GLCE: variants seen among roughly 807,000 people sequenced by gnomAD.
The protein encoded by GLCE is glucuronic acid epimerase.
GLCE carries 19 observed loss-of-function variants against 47.9 expected under a neutral mutation model. The ratio of observed to expected loss-of-function variants is 0.40; its 90% CI spans 0.28 to 0.58. The LOEUF (loss-of-function observed/expected upper bound fraction) is 0.58, where lower values mean the gene tolerates loss of function less well. Among genes scored for constraint, GLCE ranks in the 20% least tolerant of loss-of-function variants. GLCE has a pLI of 0.48. For missense variants in GLCE, 556 were observed against 743.3 expected, an observed-to-expected ratio of 0.75 and a Z score of 2.93; for synonymous variants, 245 against 263.4, an observed-to-expected ratio of 0.93 and a Z score of 0.68.
At chr15:69,176,009 C>G in intron 1 of GLCE, among the ~76,000 whole-genome samples, 1 of 152,070 alleles carries the variant, frequency 6.6e-6, no homozygotes, top group East Asian at 1.9e-4. Context: ...TGTACTTTGT[C>G]ATGTAACACT....
rs753232130 is a variant in GLCE, at chr15:69,268,323, G to A, written c.933G>A (p.Glu311=). The change falls in exon 5 of 5, where the codon GAG becomes GAA. Residue 311 remains glutamate (E), a synonymous_variant. Transcript: ENST00000261858. ...ATGGAAGTGTGTCCGTGGTTCTAGA[G>A]ACCACAGAAAAGAATCAGCTCTTCA... is the stretch of plus-strand genomic sequence containing the variant. ...LTNGSVSVVL[E]TTEKNQLFTI... 5.6e-6 allele frequency: 9 copies of A among 1,611,976 alleles called. No homozygotes were observed. The highest frequency in any genetic ancestry group is 7.6e-6 in the Non-Finnish European group (9 of 1,178,062).
rs1421210114 is a variant in GLCE at position 69,261,144 on chromosome 15, C to T, written c.644C>T (p.Ala215Val). ...GGCTATTTCTATCCAATCCAGATTGCACAGTATGGATTAAGTCATTACAGC... is the reference window on the plus strand; with the variant it reads ...GGCTATTTCTATCCAATCCAGATTGTACAGTATGGATTAAGTCATTACAGC... ...PQGYFYPIQI[A>V]QYGLSHYSKN... Residue 215 changes from alanine to valine, a missense_variant, in exon 4 of 5, where the codon GCA becomes GTA. Transcript: ENST00000261858. 6.2e-7 allele frequency: 1 copy of T among 1,610,366 alleles called. No homozygotes were observed. Among genetic ancestry groups the T allele is most frequent in the East Asian group, 2.2e-5 (1 of 44,864 alleles).
chr15:69,237,440 CA>C (rs567998310), intron 2 of GLCE, among the ~76,000 whole-genome samples: 1 of 151,646 alleles, frequency 6.6e-6, no homozygotes, highest in African/African-American at 2.4e-5. Context: ...ACTAAAAGTA[CA>C]AAAAAAATCA....
At chr15:69,220,292 C>T (rs1432922763) in intron 2 of GLCE, among the ~76,000 whole-genome samples, 1 of 152,082 alleles carries the variant, frequency 6.6e-6, no homozygotes, top group African/African-American at 2.4e-5. Flanking sequence ...GAGAAACAGT[C>T]ATACTGTTTT....
chr15:69,174,192 G>A (rs539837204), intron 1 of GLCE, among the ~76,000 whole-genome samples: 13 of 152,258 alleles, frequency 8.5e-5, no homozygotes, highest in South Asian at 4.2e-4. Flanking sequence ...TCACAATTCC[G>A]AAGGAAACAA....
rs2051616301 is a variant in GLCE at position 69,173,460 on chromosome 15, G to A, written c.-105+12703G>A. On this transcript the variant is annotated intron_variant, in intron 1 of 4. Transcript: ENST00000261858. ...GGAAGAAGGATTAAGCATATCTTTTGCATTGCAGTCTGGAGGATGGAACTA... is the reference window on the plus strand; with the variant it reads ...GGAAGAAGGATTAAGCATATCTTTTACATTGCAGTCTGGAGGATGGAACTA... 2.6e-5 allele frequency among the ~76,000 whole-genome samples: 4 copies of A among 152,234 alleles called. No individual in the cohort carries two copies. The South Asian group carries it at 8.3e-4, about 32-fold the overall frequency.
At chr15:69,230,867 A>G (rs916054143) in intron 2 of GLCE, among the ~76,000 whole-genome samples, 1 of 152,196 alleles carries the variant, frequency 6.6e-6, no homozygotes, top group Non-Finnish European at 1.5e-5. Flanking sequence ...TCAAGGGGCC[A>G]GTAGGATTAT....
chr15:69,180,591 G>A (rs1296589232), intron 1 of GLCE, among the ~76,000 whole-genome samples: 1 of 152,150 alleles, frequency 6.6e-6, no homozygotes, highest in Non-Finnish European at 1.5e-5. Context: ...ATCATTCTAG[G>A]CCCAGGGAAT....
intron 1 of GLCE, among the ~76,000 whole-genome samples, chr15:69,172,627 G>GA (rs1439618478): frequency 5.3e-5 from 8 of 152,234 alleles, no homozygotes; most frequent in African/African-American, 1.7e-4. Context: ...AGACTAGATA[G>GA]AAAATGTGGT....
intron 2 of GLCE, among the ~76,000 whole-genome samples, chr15:69,251,983 C>A (rs917366137): frequency 3.3e-5 from 5 of 152,078 alleles, no homozygotes; most frequent in African/African-American, 1.2e-4. Context: ...TTTTTTGACA[C>A]CCTTGATTTT....
chr15:69,258,624 A>G (rs1194622405), intron 3 of GLCE, among the ~76,000 whole-genome samples: 3 of 152,070 alleles, frequency 2.0e-5, no homozygotes, highest in Non-Finnish European at 4.4e-5. Flanking sequence ...GTATGTATTT[A>G]TGGGGTGTAT....
At chr15:69,202,842 T>G (rs2052094774) in intron 1 of GLCE, among the ~76,000 whole-genome samples, 1 of 152,152 alleles carries the variant, frequency 6.6e-6, no homozygotes, top group African/African-American at 2.4e-5. Context: ...CTTGATTCTT[T>G]GATGATTTAA....
At chr15:69,211,864 T>C (rs1284738203) in intron 2 of GLCE, among the ~76,000 whole-genome samples, 1 of 152,026 alleles carries the variant, frequency 6.6e-6, no homozygotes, top group African/African-American at 2.4e-5. Context: ...TGAAATATAT[T>C]TGGTTTCCTA....
At chr15:69,196,026 G>A (rs2051984667) in intron 1 of GLCE, among the ~76,000 whole-genome samples, 1 of 152,108 alleles carries the variant, frequency 6.6e-6, no homozygotes, top group South Asian at 2.1e-4. Context: ...GAAAGGGGAT[G>A]GGGGAGTGTT....
At chr15:69,191,112 T>C (rs565628169) in intron 1 of GLCE, among the ~76,000 whole-genome samples, 2 of 152,280 alleles carry the variant, frequency 1.3e-5, no homozygotes, top group African/African-American at 2.4e-5. Flanking sequence ...AAATAAGAAA[T>C]ATCTTTTATA....
chr15:69,164,169 A>G (rs1006982356), intron 1 of GLCE, among the ~76,000 whole-genome samples: 2 of 152,020 alleles, frequency 1.3e-5, no homozygotes, highest in South Asian at 2.1e-4. Context: ...TGTCAAACAT[A>G]TACACATCTG....
intron 1 of GLCE, among the ~76,000 whole-genome samples, chr15:69,187,885 A>T (rs2051848097): frequency 6.6e-6 from 1 of 152,122 alleles, no homozygotes; most frequent in Admixed American, 6.6e-5. Context: ...CAACATGGTG[A>T]AACCCCGTCT....
intron 2 of GLCE, among the ~76,000 whole-genome samples, chr15:69,253,613 T>G (rs897808895): frequency 1.3e-5 from 2 of 152,122 alleles, no homozygotes; most frequent in South Asian, 2.1e-4. Flanking sequence ...AAAAGAAGAA[T>G]AAATCATCTA....
intron 1 of GLCE, among the ~76,000 whole-genome samples, chr15:69,185,649 T>TA (rs1443308206): frequency 6.6e-6 from 1 of 152,084 alleles, no homozygotes; most frequent in Non-Finnish European, 1.5e-5. Flanking sequence ...TGTTTTTTTC[T>TA]ACTCTCACAC....
Sources: gnomAD v4.1 joint callset for allele counts (sites outside exome capture counted in the v4.1 genomes callset) on GRCh38, gnomAD v4.1.1 for gene constraint, MANE v1.5 for transcripts, NCBI Gene and HGNC (gene_info 2026-07-23, HGNC 2026-07-21) for gene names.